INSR: variants seen among roughly 807,000 people sequenced by gnomAD.
INSR encodes insulin receptor.
In INSR, 67 loss-of-function variants were observed where a neutral mutation model predicts 142.6. The observed-to-expected ratio is 0.47, with a 90% CI of 0.39 to 0.58. The LOEUF (loss-of-function observed/expected upper bound fraction) is 0.58, where lower values mean the gene tolerates loss of function less well. Ranked by LOEUF, INSR falls within the 20% of genes least tolerant of loss-of-function variation. The pLI is 0.00. For synonymous variants in INSR, 756 were observed against 743.1 expected, an observed-to-expected ratio of 1.02 and a Z score of -0.28; for missense variants, 1,248 against 1,833.2, an observed-to-expected ratio of 0.68 and a Z score of 5.83.
Position 7,146,236 on chromosome 19 carries a change from C to CCTTTTTTTTTTTTTTTTTTTTTTTTT in INSR, c.2268-3147_2268-3146insAAAAAAAAAAAAAAAAAAAAAAAAAG, listed in dbSNP as rs1424523294. Among the ~76,000 whole-genome samples the CCTTTTTTTTTTTTTTTTTTTTTTTTT allele has an allele frequency of 9.9e-5, 11 of 110,756 alleles. 5 individuals carry two copies. Among genetic ancestry groups the CCTTTTTTTTTTTTTTTTTTTTTTTTT allele is most frequent in the African/African-American group, 6.9e-5 (2 of 28,804 alleles). The allele number at this position is 110,756 out of a possible 152,430, so 72.7% of individuals were successfully genotyped here. On this transcript the variant is annotated intron_variant, in intron 11 of 21. Coordinates refer to ENST00000302850, the MANE Select transcript of INSR (RefSeq NM_000208.4). ...TTCAGTGCAGTATCTTTGTCAAGTTCTTTTTTTTTTTTTTTTTTTTTTGAG... is the reference window on the plus strand; with the variant it reads ...TTCAGTGCAGTATCTTTGTCAAGTTCCTTTTTTTTTTTTTTTTTTTTTTTTTTTTTTTTTTTTTTTTTTTTTTTGAG...
chr19:7,289,433 T>G (rs1600136602), intron 1 of INSR, among the ~76,000 whole-genome samples: 2 of 142,232 alleles, frequency 1.4e-5, no homozygotes, highest in South Asian at 2.2e-4. Context: ...TGAGACAGAG[T>G]CTCTCTCTGT....
intron 2 of INSR, among the ~76,000 whole-genome samples, chr19:7,218,071 C>T (rs1243446425): frequency 3.3e-5 from 5 of 151,952 alleles, no homozygotes; most frequent in Admixed American, 6.6e-5. Context: ...TGCCTTGTGG[C>T]GGGGGAAGAG....
chr19:7,253,498 C>G (rs570990116), intron 2 of INSR, among the ~76,000 whole-genome samples: 3 of 151,914 alleles, frequency 2.0e-5, no homozygotes, highest in African/African-American at 7.2e-5. Flanking sequence ...TCAGCCTCCC[C>G]GAGTGCTGGG....
intron 2 of INSR, among the ~76,000 whole-genome samples, chr19:7,256,512 T>C (rs1976897083): frequency 6.6e-6 from 1 of 151,876 alleles, no homozygotes; most frequent in African/African-American, 2.4e-5. Flanking sequence ...TATAATATAA[T>C]GCAACAGTTT....
chr19:7,286,300 A>T (rs967122447), intron 1 of INSR, among the ~76,000 whole-genome samples: 11 of 152,240 alleles, frequency 7.2e-5, no homozygotes, highest in Admixed American at 6.6e-4. Context: ...ATTACTAAAC[A>T]TCAAAAAGAT....
chr19:7,124,018 G>A (rs1216536972), intron 17 of INSR, among the ~76,000 whole-genome samples: 2 of 148,344 alleles, frequency 1.3e-5, no homozygotes, highest in African/African-American at 2.5e-5. Context: ...TCAGGAGATC[G>A]AGACCATCCT....
At chr19:7,167,676 G>A (rs1435871038) in intron 7 of INSR, among the ~76,000 whole-genome samples, 1 of 152,114 alleles carries the variant, frequency 6.6e-6, no homozygotes, top group East Asian at 1.9e-4. Context: ...AAGGATGTCT[G>A]ATGAGACATA....
At chr19:7,131,661 A>G (rs1459610684) in intron 14 of INSR, among the ~76,000 whole-genome samples, 1 of 146,648 alleles carries the variant, frequency 6.8e-6, no homozygotes, top group Non-Finnish European at 1.5e-5. Flanking sequence ...TTACTTATAT[A>G]ATGAACTGCA....
chr19:7,198,042 T>C (rs544285415), intron 2 of INSR, among the ~76,000 whole-genome samples: 27 of 151,352 alleles, frequency 1.8e-4, no homozygotes, highest in East Asian at 5.9e-4. Context: ...TGGGCGTGTG[T>C]GTGTGTCTGC....
intron 11 of INSR, among the ~76,000 whole-genome samples, chr19:7,149,171 T>C (rs1599905256): frequency 1.3e-5 from 2 of 152,002 alleles, no homozygotes; most frequent in East Asian, 3.9e-4. Flanking sequence ...CCTCCCAAAG[T>C]GCTGGGATTA....
Position 7,125,398 on chromosome 19 carries a change from C to T in INSR, c.3143G>A (p.Gly1048Asp), listed in dbSNP as rs200921389. The T allele has an allele frequency of 8.3e-5, 134 of 1,614,158 alleles. No individual in the cohort carries two copies. In the East Asian group the frequency reaches 2.9e-3, roughly 35 times the overall value. ...CACCGCCACGCGGGTCTCTGCCTCA[C>T]CCTTGATGATGTCCCTGGCATTGCC... is the stretch of plus-strand genomic sequence containing the variant. Reference protein sequence around the residue: ...YEGNARDIIKGEAETRVAVKT... With the variant: ...YEGNARDIIKDEAETRVAVKT... Residue 1048 changes from glycine to aspartate, a missense_variant, in exon 17 of 22, where the codon GGT (glycine) becomes GAT (aspartate). Gly to Asp is a moderately conservative substitution (Grantham distance 94, BLOSUM62 -1). Around this residue, in one of 3 missense-constraint regions of INSR, gnomAD observed 1,069 missense variants for 1,654.0 expected, o/e 0.65. Transcript: ENST00000302850. The surrounding 1 kb of genome is among the most constrained non-coding windows in gnomAD (Gnocchi z 4.9).
intron 1 of INSR, among the ~76,000 whole-genome samples, chr19:7,277,392 G>A (rs1048849139): frequency 2.0e-5 from 3 of 151,932 alleles, no homozygotes; most frequent in Non-Finnish European, 4.4e-5. Context: ...GGCCCAGGGG[G>A]ACTCTCAAGA....
At chr19:7,248,647 T>C (rs867907275) in intron 2 of INSR, among the ~76,000 whole-genome samples, 1 of 151,380 alleles carries the variant, frequency 6.6e-6, no homozygotes, top group African/African-American at 2.4e-5. Flanking sequence ...AATATTCTAA[T>C]GTCCTCTAAA....
chr19:7,213,269 G>A (rs961373920), intron 2 of INSR, among the ~76,000 whole-genome samples: 1 of 150,520 alleles, frequency 6.6e-6, no homozygotes, highest in African/African-American at 2.4e-5. Flanking sequence ...GCTTGAACCC[G>A]GGAGGCGGAG....
chr19:7,287,690 C>T (rs115091725), intron 1 of INSR, among the ~76,000 whole-genome samples: 1,824 of 152,232 alleles, frequency 0.012, 36 homozygotes, highest in African/African-American at 0.041. Flanking sequence ...AAATGACACA[C>T]GTTTCTTTAA....
intron 2 of INSR, among the ~76,000 whole-genome samples, chr19:7,241,374 G>A (rs1181234505): frequency 6.6e-6 from 1 of 151,956 alleles, no homozygotes; most frequent in Non-Finnish European, 1.5e-5. Context: ...TAGAGATGGG[G>A]TCTTGCTATA....
chr19:7,276,752 A>G (rs2145228648), intron 1 of INSR, among the ~76,000 whole-genome samples: 1 of 152,060 alleles, frequency 6.6e-6, no homozygotes, highest in Non-Finnish European at 1.5e-5. Flanking sequence ...TATTTTTGAG[A>G]CGGAGTCTCA....
At chr19:7,242,614 G>C (rs939894527) in intron 2 of INSR, among the ~76,000 whole-genome samples, 1 of 150,928 alleles carries the variant, frequency 6.6e-6, no homozygotes, top group Non-Finnish European at 1.5e-5. Flanking sequence ...GTGGGCGCCT[G>C]TAATCCCAGC....
At chr19:7,197,767 G>A (rs1276113498) in intron 2 of INSR, among the ~76,000 whole-genome samples, 1 of 150,268 alleles carries the variant, frequency 6.7e-6, no homozygotes, top group African/African-American at 2.4e-5. Flanking sequence ...GAGTGTGTGT[G>A]TGTGTGTGTG....
Sources: gnomAD v4.1 joint callset for allele counts (sites outside exome capture counted in the v4.1 genomes callset) on GRCh38, gnomAD v4.1.1 for gene constraint, gnomAD v4.1.1 regional missense constraint, Gnocchi (gnomAD v3.1) non-coding constraint, MANE v1.5 for transcripts, NCBI Gene and HGNC (gene_info 2026-07-23, HGNC 2026-07-21) for gene names.